ZNF804A: variants seen among roughly 807,000 people sequenced by gnomAD.
The protein encoded by ZNF804A is zinc finger protein 804A.
ZNF804A carries 2 observed loss-of-function variants against 16.5 expected under a neutral mutation model. That is an observed-to-expected ratio of 0.12 (90% CI 0.05 to 0.38). The LOEUF is 0.38. ZNF804A is among the 10% of genes least tolerant of loss of function. The pLI, the probability that ZNF804A is intolerant of heterozygous loss-of-function variation, is 0.99. For synonymous variants in ZNF804A, 534 were observed against 489.6 expected (o/e 1.09, Z -1.20); for missense variants, 1,473 against 1,390.7 (o/e 1.06, Z -0.94).
intron 1 of ZNF804A, among the ~76,000 whole-genome samples, chr2:184,762,392 A>G (rs1694052526): frequency 6.6e-6 from 1 of 151,908 alleles, no homozygotes; most frequent in Non-Finnish European, 1.5e-5. Context: ...CATGCATGTT[A>G]CAAAGAAAAA....
intron 1 of ZNF804A, among the ~76,000 whole-genome samples, chr2:184,692,135 A>G (rs541411212): frequency 6.0e-4 from 92 of 152,286 alleles, no homozygotes; most frequent in Middle Eastern, 6.8e-3. Flanking sequence ...GTTCAACAAT[A>G]TGTGTCTTTA....
intron 1 of ZNF804A, among the ~76,000 whole-genome samples, chr2:184,855,920 C>T (rs1695679774): frequency 6.6e-6 from 1 of 152,036 alleles, no homozygotes; most frequent in African/African-American, 2.4e-5. Flanking sequence ...AACAGACCTC[C>T]AGAGTCCATC....
chr2:184,843,921 T>C lies in ZNF804A; in HGVS notation c.112-22448T>C, dbSNP rs1307031971. Among the ~76,000 whole-genome samples, 7 of 152,246 alleles carry C rather than the reference T, an allele frequency of 4.6e-5. No homozygotes were observed. In the East Asian group the frequency reaches 7.7e-4, roughly 17 times the overall value. The stretch of plus-strand genomic sequence containing the variant: ...GGAGTAATATCTACCATGTTTTTAA[T>C]GTTTTGTATTTGTTGTATTTTTTCT... On this transcript the variant is annotated intron_variant, in intron 1 of 3. Transcript: ENST00000302277.
chr2:184,788,136 A>T (rs1213955556), intron 1 of ZNF804A, among the ~76,000 whole-genome samples: 1 of 151,878 alleles, frequency 6.6e-6, no homozygotes, highest in Non-Finnish European at 1.5e-5. Flanking sequence ...CTTATCCAAG[A>T]TCATTTTGTT....
chr2:184,611,200 T>A (rs973790527), intron 1 of ZNF804A, among the ~76,000 whole-genome samples: 3 of 151,956 alleles, frequency 2.0e-5, no homozygotes, highest in Admixed American at 6.6e-5. Context: ...GAGGGTGGAG[T>A]TCTCATGACC....
chr2:184,704,155 CT>C (rs36103347), intron 1 of ZNF804A, among the ~76,000 whole-genome samples: 7,855 of 145,674 alleles, frequency 0.054, 248 homozygotes, highest in Middle Eastern at 0.079. Context: ...TTCAGGAAAT[CT>C]TTTTTTTTTT....
chr2:184,623,576 ATG>A (rs1691449961), intron 1 of ZNF804A, among the ~76,000 whole-genome samples: 1 of 152,146 alleles, frequency 6.6e-6, no homozygotes, highest in Non-Finnish European at 1.5e-5. Flanking sequence ...GATCAAATTA[ATG>A]ATGTTCAAAG....
chr2:184,802,552 G>A (rs756604258), intron 1 of ZNF804A, among the ~76,000 whole-genome samples: 1 of 152,098 alleles, frequency 6.6e-6, no homozygotes, highest in Non-Finnish European at 1.5e-5. Flanking sequence ...CAGTTTATGT[G>A]TCTGGTGGCA....
intron 1 of ZNF804A, among the ~76,000 whole-genome samples, chr2:184,752,044 G>A (rs997533531): frequency 1.3e-5 from 2 of 151,666 alleles, no homozygotes; most frequent in African/African-American, 4.8e-5. Context: ...TAGTATATTA[G>A]TTTAACCTCT....
intron 1 of ZNF804A, among the ~76,000 whole-genome samples, chr2:184,678,945 T>A (rs143138814): frequency 3.3e-5 from 5 of 152,276 alleles, no homozygotes; most frequent in African/African-American, 4.8e-5. Flanking sequence ...AAAATACATT[T>A]AAAATATGGA....
chr2:184,619,247 A>G (rs1691380174), intron 1 of ZNF804A, among the ~76,000 whole-genome samples: 1 of 152,084 alleles, frequency 6.6e-6, no homozygotes, highest in Non-Finnish European at 1.5e-5. Flanking sequence ...TTATGCATGT[A>G]TTTATGCATA....
rs149389360 is a variant in ZNF804A at position 184,925,455 on chromosome 2, C to G, written c.256-8148C>G. The stretch of plus-strand genomic sequence containing the variant: ...GGTGAAGTGTGTTTCTTGTAGGTAA[C>G]AGATTATTGGATCTCGGGTTTTTTT... On this transcript the variant is annotated intron_variant, in intron 2 of 3. Transcript: ENST00000302277. Among the ~76,000 whole-genome samples, 405 of 151,814 alleles carry G rather than the reference C, an allele frequency of 2.7e-3. 2 individuals carry two copies. The highest frequency in any genetic ancestry group is 9.3e-3 in the African/African-American group (386 of 41,482).
chr2:184,876,307 G>A (rs1044064499), intron 2 of ZNF804A, among the ~76,000 whole-genome samples: 1 of 151,982 alleles, frequency 6.6e-6, no homozygotes, highest in Admixed American at 6.6e-5. Context: ...GGGGAAAAAT[G>A]TACTAAAGCT....
chr2:184,824,418 G>T (rs1273234710), intron 1 of ZNF804A, among the ~76,000 whole-genome samples: 1 of 151,268 alleles, frequency 6.6e-6, no homozygotes, highest in Admixed American at 6.6e-5. Flanking sequence ...ACTTGATAAC[G>T]TTTGTTACAT....
Position 184,732,131 on chromosome 2 carries a change from T to C in ZNF804A, c.111+133061T>C, listed in dbSNP as rs527258631. On this transcript the variant is annotated intron_variant, in intron 1 of 3. Coordinates refer to ENST00000302277, the MANE Select transcript of ZNF804A (RefSeq NM_194250.2). Reference sequence around the variant, plus strand: ...TATGTCCAAAAATATCTTGCCAAACTCATCATCTAAGTTTCTTTCTATGTT... The same window carrying C: ...TATGTCCAAAAATATCTTGCCAAACCCATCATCTAAGTTTCTTTCTATGTT... 3.0e-4 allele frequency among the ~76,000 whole-genome samples: 45 copies of C among 152,282 alleles called. No individual in the cohort carries two copies. In the South Asian group the frequency reaches 7.9e-3, roughly 27 times the overall value.
At chr2:184,743,903 G>T (rs1693743795) in intron 1 of ZNF804A, among the ~76,000 whole-genome samples, 1 of 151,912 alleles carries the variant, frequency 6.6e-6, no homozygotes, top group Non-Finnish European at 1.5e-5. Flanking sequence ...AAGGTGAAGG[G>T]ATTTAGTAGT....
intron 1 of ZNF804A, among the ~76,000 whole-genome samples, chr2:184,845,347 T>C (rs1362054190): frequency 6.6e-6 from 1 of 152,148 alleles, no homozygotes; most frequent in East Asian, 1.9e-4. Context: ...GATTAAACAT[T>C]AGCCTCTTAA....
intron 1 of ZNF804A, among the ~76,000 whole-genome samples, chr2:184,730,882 T>G (rs956289890): frequency 6.6e-6 from 1 of 151,708 alleles, no homozygotes; most frequent in South Asian, 2.1e-4. Context: ...TTTGAACTTC[T>G]TTGAGTAAAT....
intron 1 of ZNF804A, among the ~76,000 whole-genome samples, chr2:184,661,515 G>A (rs1234598509): frequency 2.0e-5 from 3 of 152,196 alleles, no homozygotes; most frequent in Non-Finnish European, 4.4e-5. Flanking sequence ...CCCTAAAAGT[G>A]GGGTAGCCAT....
Sources: allele counts gnomAD v4.1 joint callset (sites outside exome capture counted in the v4.1 genomes callset), GRCh38; gene constraint gnomAD v4.1.1; transcripts MANE v1.5; gene names NCBI Gene and HGNC (gene_info 2026-07-23, HGNC 2026-07-21).